The following RAPH1 variants were observed in gnomAD, a reference collection of about 807,000 sequenced individuals.
RAPH1 encodes the protein ras-associated and pleckstrin homology domains-containing protein 1.
RAPH1 carries 18 observed loss-of-function variants against 88.1 expected under a neutral mutation model. The observed-to-expected ratio is 0.20, with a 90% confidence interval of 0.14 to 0.30. The LOEUF is 0.30. Ranked by LOEUF, RAPH1 falls within the 10% of genes least tolerant of loss-of-function variation. The probability of loss-of-function intolerance (pLI) is 1.00; values close to 1 mark genes in which losing one functional copy is unlikely to be tolerated. For synonymous variants in RAPH1, 587 were observed against 559.0 expected (o/e 1.05, Z -0.71); for missense variants, 1,448 against 1,543.2 (o/e 0.94, Z 1.03).
chr2:203,467,707 T>G (rs1250313865), intron 4 of RAPH1, among the ~76,000 whole-genome samples: 1 of 152,164 alleles, frequency 6.6e-6, no homozygotes, highest in East Asian at 1.9e-4. Flanking sequence ...TTGGTATTGA[T>G]TTGGGTCCTG....
intron 1 of RAPH1, among the ~76,000 whole-genome samples, chr2:203,498,447 G>A (rs918153353): frequency 1.3e-5 from 2 of 152,088 alleles, no homozygotes; most frequent in Non-Finnish European, 2.9e-5. Flanking sequence ...AAGCCTCCAC[G>A]AACCATTGTG....
chr2:203,512,116 AAAAC>A (rs997482481), intron 1 of RAPH1, among the ~76,000 whole-genome samples: 1 of 151,934 alleles, frequency 6.6e-6, no homozygotes, highest in African/African-American at 2.4e-5. Flanking sequence ...CGTTCCAAAA[AAAAC>A]AAAAAAGAAT....
At chr2:203,455,908 C>T (rs1251094762) in intron 8 of RAPH1, among the ~76,000 whole-genome samples, 1 of 151,504 alleles carries the variant, frequency 6.6e-6, no homozygotes, top group Non-Finnish European at 1.5e-5. Context: ...ATGTGGGCAG[C>T]TGAGGCACAA....
chr2:203,506,754 A>ATC (rs1689033832), intron 1 of RAPH1, among the ~76,000 whole-genome samples: 1 of 119,924 alleles, frequency 8.3e-6, no homozygotes, highest in Non-Finnish European at 1.6e-5. Context: ...ATATATATAT[A>ATC]TATCTATATA....
rs541557525 is a variant in RAPH1 at position 203,433,687 on chromosome 2, C to A, written c.*5750G>T. 5.1e-4 allele frequency: 77 copies of A among 152,280 alleles called. No homozygotes were observed. Among genetic ancestry groups the A allele is most frequent in the Admixed American group, 1.8e-3 (27 of 15,302 alleles). 9.4% of individuals were successfully genotyped at this position (152,280 alleles called of 1,614,324 possible). ...TACTCTTAAAAGTTAACAAATTGAA[C>A]ATATCAAACTAGTTTATTTACCACA... is the stretch of plus-strand genomic sequence containing the variant. On this transcript the variant is annotated 3_prime_UTR_variant, in exon 14 of 14. Coordinates refer to ENST00000319170, the MANE Select transcript of RAPH1 (RefSeq NM_213589.3).
At chr2:203,532,363 A>C (rs1012356937) in intron 1 of RAPH1, among the ~76,000 whole-genome samples, 3 of 152,238 alleles carry the variant, frequency 2.0e-5, no homozygotes, top group African/African-American at 7.2e-5. Context: ...TAAGCCACTG[A>C]ACTGTACACT....
At chr2:203,506,798 A>ATATATATCTATATC (rs1268625316) in intron 1 of RAPH1, among the ~76,000 whole-genome samples, 7 of 67,314 alleles carry the variant, frequency 1.0e-4, no homozygotes, top group Non-Finnish European at 2.1e-4. Flanking sequence ...ATATATCTAT[A>ATATATATCTATATC]TATATATCTA....
chr2:203,527,456 G>C (rs148315110), intron 1 of RAPH1, among the ~76,000 whole-genome samples: 99 of 152,080 alleles, frequency 6.5e-4, no homozygotes, highest in Non-Finnish European at 1.1e-3. Flanking sequence ...ACGAGAGACT[G>C]GTATTCCAGA....
intron 1 of RAPH1, among the ~76,000 whole-genome samples, chr2:203,519,916 T>C (rs1338452913): frequency 6.6e-6 from 1 of 152,222 alleles, no homozygotes; most frequent in Non-Finnish European, 1.5e-5. Context: ...AGAAAGCACT[T>C]TTAACCTTAC....
intron 9 of RAPH1, 85 bp from the exon 10 acceptor site, chr2:203,454,625 T>C: frequency 1.1e-6 from 1 of 916,504 alleles, no homozygotes; most frequent in Non-Finnish European, 1.7e-6. Flanking sequence ...TAGGTGAGAA[T>C]CAAAACTACT....
chr2:203,488,530 T>C (rs1213263477), intron 4 of RAPH1, among the ~76,000 whole-genome samples: 1 of 128,978 alleles, frequency 7.8e-6, no homozygotes, highest in African/African-American at 3.0e-5. Flanking sequence ...AAGGTTGCAG[T>C]GAGCCAAGAT....
intron 1 of RAPH1, among the ~76,000 whole-genome samples, chr2:203,527,377 T>C (rs1475281236): frequency 6.6e-6 from 1 of 152,208 alleles, no homozygotes. Flanking sequence ...GCTAGAGTGA[T>C]AGTAATTACT....
At chr2:203,473,189 G>C (rs1371319383) in intron 4 of RAPH1, among the ~76,000 whole-genome samples, 1 of 152,220 alleles carries the variant, frequency 6.6e-6, no homozygotes, top group Non-Finnish European at 1.5e-5. Flanking sequence ...AGGAGGCTCA[G>C]ATAGGAGGAC....
rs550190008 is a variant in RAPH1 at position 203,438,528 on chromosome 2, A to G, written c.*909T>C. ...CATACTGGGACAGAACATTACAGAGATAACTGTGTTATCCATCCTCTTAAA... is the reference window on the plus strand; with the variant it reads ...CATACTGGGACAGAACATTACAGAGGTAACTGTGTTATCCATCCTCTTAAA... On this transcript the variant is annotated 3_prime_UTR_variant, in exon 14 of 14. Coordinates refer to ENST00000319170, the MANE Select transcript of RAPH1 (RefSeq NM_213589.3). 34 of 193,320 alleles carry G rather than the reference A, an allele frequency of 1.8e-4. No homozygotes were observed. Among genetic ancestry groups the G allele is most frequent in the Non-Finnish European group, 3.1e-4 (29 of 94,110 alleles). 12.0% of individuals were successfully genotyped at this position (193,320 alleles called of 1,614,324 possible).
At position 203,506,747 on chromosome 2, in the gene RAPH1, T is replaced by G. The variant is rs562668666; in HGVS notation, c.1-11394A>C. ...ATCCATATATAGATATATATCTATA[T>G]ATATATATATCTATATATATATCTA... On this transcript the variant is annotated intron_variant, in intron 1 of 13. Transcript: ENST00000319170. 2.4e-3 allele frequency among the ~76,000 whole-genome samples: 286 copies of G among 120,494 alleles called. 23 individuals carry two copies. Among genetic ancestry groups the G allele is most frequent in the African/African-American group, 0.011 (248 of 22,248 alleles). The allele number at this position is 120,494 out of a possible 152,430, so 79.0% of individuals were successfully genotyped here.
chr2:203,482,713 G>C (rs1687783837), intron 4 of RAPH1, among the ~76,000 whole-genome samples: 1 of 152,046 alleles, frequency 6.6e-6, no homozygotes, highest in South Asian at 2.1e-4. Context: ...TGAGGCAGGA[G>C]GATCCACTGA....
At chr2:203,480,307 G>C (rs1687664280) in intron 4 of RAPH1, among the ~76,000 whole-genome samples, 1 of 152,214 alleles carries the variant, frequency 6.6e-6, no homozygotes. Flanking sequence ...CCAGCACTTT[G>C]GGAGGCCCAG....
chr2:203,441,892 A>C, intron 13 of RAPH1: 14 of 1,347,604 alleles, frequency 1.0e-5, no homozygotes, highest in Non-Finnish European at 1.2e-5. Flanking sequence ...TCCTGGTGGA[A>C]TGAGGATGGC....
chr2:203,446,315 A>C (rs989037829), intron 12 of RAPH1: 1 of 152,208 alleles, frequency 6.6e-6, no homozygotes, highest in South Asian at 2.1e-4. Flanking sequence ...AAGATCATAG[A>C]GGAAAAAAGC....
Sources: gnomAD v4.1 joint callset for allele counts (sites outside exome capture counted in the v4.1 genomes callset) on GRCh38, gnomAD v4.1.1 for gene constraint, MANE v1.5 for transcripts, NCBI Gene and HGNC (gene_info 2026-07-23, HGNC 2026-07-21) for gene names.